Variants in SLC43A3 observed in about 807,000 individuals in gnomAD.
SLC43A3 encodes the protein solute carrier family 43 member 3.
In SLC43A3, 33 loss-of-function variants were observed where a neutral mutation model predicts 53.3. The observed-to-expected ratio is 0.62, with a 90% CI of 0.47 to 0.83. SLC43A3 has a LOEUF of 0.83. Among genes scored for constraint, SLC43A3 ranks in the 40% least tolerant of loss-of-function variants. The pLI is 0.00. For synonymous variants in SLC43A3, 236 were observed against 246.2 expected, an observed-to-expected ratio of 0.96 and a Z score of 0.39; for missense variants, 530 against 610.0, an observed-to-expected ratio of 0.87 and a Z score of 1.38.
In SLC43A3 at chr11:57,407,764, T is replaced by C; in HGVS notation, c.*28A>G. Reference sequence around the variant, plus strand: ...TGGTGGAAGATGAACAAAACCATCCTCGGGGCTGAAAAGTGAGGGCTTCTG... The same window carrying C: ...TGGTGGAAGATGAACAAAACCATCCCCGGGGCTGAAAAGTGAGGGCTTCTG... On this transcript the variant is annotated 3_prime_UTR_variant, in exon 14 of 14. Coordinates refer to ENST00000395124, the MANE Select transcript of SLC43A3 (RefSeq NM_199329.3). 6.8e-7 allele frequency: 1 copy of C among 1,473,370 alleles called. No individual in the cohort carries two copies. The highest frequency in any genetic ancestry group is 9.5e-7 in the Non-Finnish European group (1 of 1,053,630). The allele number at this position is 1,473,370 out of a possible 1,614,324, so 91.3% of individuals were successfully genotyped here.
intron 3 of SLC43A3, 115 bp from the exon 4 acceptor site, chr11:57,425,785 G>A: frequency 6.6e-7 from 1 of 1,512,896 alleles, no homozygotes; most frequent in Non-Finnish European, 8.9e-7. Flanking sequence ...CCCTTAAGCT[G>A]AGTTGAAATG....
At position 57,426,105 on chromosome 11, in the gene SLC43A3, A is replaced by C; in HGVS notation, c.68T>G (p.Phe23Cys). ...AGGCCAGCCAAAGAGGACGCCAGCA[A>C]AGCCCAGGCATTCCAGCAGCCCAGT... ...LLTGLLECLG[F>C]AGVLFGWPSL... Residue 23 changes from phenylalanine (F) to cysteine (C), a missense_variant, in exon 3 of 14, where the codon TTT becomes TGT. Phe to Cys is a radical substitution (Grantham distance 205). Transcript: ENST00000395124. The C allele has an allele frequency of 1.2e-6, 2 of 1,614,260 alleles. No individual in the cohort carries two copies. Among genetic ancestry groups the C allele is most frequent in the East Asian group, 4.5e-5 (2 of 44,888 alleles).
chr11:57,423,906 G>T, intron 5 of SLC43A3, 76 bp downstream of exon 5: 1 of 1,271,136 alleles, frequency 7.9e-7, no homozygotes, highest in Non-Finnish European at 1.2e-6. Flanking sequence ...CTTGCCTATA[G>T]CCCTCTGCTC....
chr11:57,426,868 C>G (rs1390180661), intron 1 of SLC43A3, 194 bp downstream of exon 1: 1 of 152,292 alleles, frequency 6.6e-6, no homozygotes, highest in Non-Finnish European at 1.5e-5. Context: ...CCATGACCCT[C>G]GCCTAGGACT....
chr11:57,414,292 C>A (rs980463551), intron 11 of SLC43A3, among the ~76,000 whole-genome samples: 1 of 152,116 alleles, frequency 6.6e-6, no homozygotes, highest in Non-Finnish European at 1.5e-5. Context: ...GGGCAGATCA[C>A]CCGAGGTCAG....
chr11:57,407,914 G>A lies in SLC43A3; in HGVS notation c.1372-18C>T. 4 of 1,541,798 alleles carry A rather than the reference G, an allele frequency of 2.6e-6. No individual in the cohort carries two copies. Among genetic ancestry groups the A allele is most frequent in the Non-Finnish European group, 3.6e-6 (4 of 1,114,432 alleles). The stretch of plus-strand genomic sequence containing the variant: ...ACATTCACCTGCAGGGAGAGCAGAA[G>A]TGAGGTGAAATCCAGGAATTCTGAA... On this transcript the variant is annotated intron_variant, in intron 13 of 13. Transcript: ENST00000395124.
intron 11 of SLC43A3, among the ~76,000 whole-genome samples, chr11:57,412,622 G>A (rs1442037535): frequency 1.3e-5 from 2 of 152,072 alleles, no homozygotes; most frequent in Non-Finnish European, 1.5e-5. Context: ...AGACCAGCCT[G>A]GCCAACATGG....
intron 4 of SLC43A3, among the ~76,000 whole-genome samples, chr11:57,425,122 A>C (rs762435813): frequency 3.0e-4 from 46 of 152,136 alleles, no homozygotes; most frequent in Non-Finnish European, 5.0e-4. Flanking sequence ...GAGGAGGATG[A>C]GGATGAAGCC....
At chr11:57,411,122 A>G (rs538460303) in intron 11 of SLC43A3, among the ~76,000 whole-genome samples, 2 of 152,326 alleles carry the variant, frequency 1.3e-5, no homozygotes, top group East Asian at 3.9e-4. Context: ...CCTAAAGAAG[A>G]GGAAAAGGGG....
At chr11:57,408,282 C>G (rs1178509414) in intron 13 of SLC43A3, 1 of 192,928 alleles carries the variant, frequency 5.2e-6, no homozygotes, top group African/African-American at 2.3e-5. Flanking sequence ...ACTCTTTTGG[C>G]CATGCACAGT....
chr11:57,412,006 ATG>A (rs1474826561), intron 11 of SLC43A3, among the ~76,000 whole-genome samples: 2 of 152,098 alleles, frequency 1.3e-5, no homozygotes, highest in Admixed American at 6.5e-5. Flanking sequence ...AATTATATAT[ATG>A]TTAACTCTAT....
At chr11:57,408,971 A>G (rs1270443786) in intron 13 of SLC43A3, among the ~76,000 whole-genome samples, 1 of 152,198 alleles carries the variant, frequency 6.6e-6, no homozygotes, top group African/African-American at 2.4e-5. Context: ...ATTTTGCTTG[A>G]AGTTTCGTGA....
intron 11 of SLC43A3, among the ~76,000 whole-genome samples, chr11:57,413,316 G>A (rs1032610232): frequency 1.3e-5 from 2 of 152,148 alleles, no homozygotes; most frequent in African/African-American, 4.8e-5. Flanking sequence ...ATCCTAATTG[G>A]AACAAACCAA....
Position 57,414,658 on chromosome 11 carries a change from C to T in SLC43A3, c.1017G>A (p.Met339Ile). 1.9e-6 allele frequency: 3 copies of T among 1,614,052 alleles called. No homozygotes were observed. The highest frequency in any genetic ancestry group is 2.2e-5 in the South Asian group (2 of 91,070). The change falls in exon 11 of 14, where the codon ATG becomes ATA. Residue 339 changes from methionine (M) to isoleucine (I), a missense_variant. Coordinates refer to ENST00000395124, the MANE Select transcript of SLC43A3 (RefSeq NM_199329.3). The stretch of plus-strand genomic sequence containing the variant: ...TCTGGTACTTCTGTTTAAGCCGGTC[C>T]ATGAGCAGGCCATTCCAGGGGGCAC... ...VLCAPWNGLLMDRLKQKYQKE... is the reference protein window; with the variant it reads ...VLCAPWNGLLIDRLKQKYQKE...
intron 9 of SLC43A3, chr11:57,415,405 A>C (rs1489838678): frequency 7.2e-7 from 1 of 1,384,200 alleles, no homozygotes; most frequent in Non-Finnish European, 9.5e-7. Flanking sequence ...GATCTTTCTC[A>C]GCGAGAAAGG....
At chr11:57,414,592 C>T (rs1209275166) in intron 11 of SLC43A3, 23 bp downstream of exon 11, 4 of 1,452,834 alleles carry the variant, frequency 2.8e-6, no homozygotes, top group African/African-American at 1.4e-5. Flanking sequence ...CCTGACCAGC[C>T]CCTGCCCTCC....
At position 57,425,235 on chromosome 11, in the gene SLC43A3, C is replaced by A. The variant is rs892096507; in HGVS notation, c.314+306G>T. 9.2e-5 allele frequency among the ~76,000 whole-genome samples: 14 copies of A among 152,284 alleles called. No homozygotes were observed. The East Asian group carries it at 2.7e-3, about 29-fold the overall frequency. On this transcript the variant is annotated intron_variant, in intron 4 of 13. Transcript: ENST00000395124. ...GGTTTTGCTAATTTTGTAACCCTGG[C>A]TCCAAGCCAGCCCTTACAGGAAGTC...
In SLC43A3 at chr11:57,416,554, G is replaced by T. The variant is rs1294806292; in HGVS notation, c.769+19C>A. The T allele has an allele frequency of 6.2e-7, 1 of 1,603,356 alleles. No individual in the cohort carries two copies. Among genetic ancestry groups the T allele is most frequent in the Non-Finnish European group, 8.5e-7 (1 of 1,170,698 alleles). Reference sequence around the variant, plus strand: ...AGGCTTGGGTCTGGAGGAGAGATGGGTTAGCCAGCAGGGCTCACCTTCCTT... The same window carrying T: ...AGGCTTGGGTCTGGAGGAGAGATGGTTTAGCCAGCAGGGCTCACCTTCCTT... On this transcript the variant is annotated intron_variant, in intron 9 of 13. Coordinates refer to ENST00000395124, the MANE Select transcript of SLC43A3 (RefSeq NM_199329.3).
At chr11:57,412,777 C>T (rs144559515) in intron 11 of SLC43A3, among the ~76,000 whole-genome samples, 1 of 150,894 alleles carries the variant, frequency 6.6e-6, no homozygotes, top group African/African-American at 2.4e-5. Context: ...CACTGCACTC[C>T]AGCCTAGGCA....
Sources: gnomAD v4.1 joint callset for allele counts (sites outside exome capture counted in the v4.1 genomes callset) on GRCh38, gnomAD v4.1.1 for gene constraint, MANE v1.5 for transcripts, NCBI Gene and HGNC (gene_info 2026-07-23, HGNC 2026-07-21) for gene names.